SEMA4D: variants seen among roughly 807,000 people sequenced by gnomAD.
The protein encoded by SEMA4D is semaphorin 4D.
A neutral mutation model predicts 74.8 loss-of-function variants in SEMA4D; 22 were observed. That is an observed-to-expected ratio of 0.29 (90% confidence interval 0.21 to 0.42). SEMA4D has a LOEUF of 0.42. SEMA4D is among the 10% of genes least tolerant of loss of function. SEMA4D has a pLI of 1.00. For synonymous variants in SEMA4D, 445 were observed against 463.7 expected (o/e 0.96, Z 0.52); for missense variants, 937 against 1,118.4 (o/e 0.84, Z 2.31).
chr9:89,476,370 G>A (rs569573938), intron 1 of SEMA4D, among the ~76,000 whole-genome samples: 7 of 152,328 alleles, frequency 4.6e-5, no homozygotes, highest in South Asian at 2.1e-4. Flanking sequence ...CTGTGCCACA[G>A]TACCCAGATA....
At chr9:89,371,356 GGTGT>G (rs1270794757) in intron 16 of SEMA4D, among the ~76,000 whole-genome samples, 21 of 136,828 alleles carry the variant, frequency 1.5e-4, no homozygotes, top group African/African-American at 3.9e-4. Context: ...TGTGTGTTGG[GGTGT>G]GTGTGTCTGG....
downstream of SEMA4D, among the ~76,000 whole-genome samples, chr9:89,373,918 C>A (rs1410417399): frequency 6.6e-6 from 1 of 152,232 alleles, no homozygotes; most frequent in Non-Finnish European, 1.5e-5. Context: ...CATCTACAGA[C>A]CCCAACAGAA....
exon 17 of SEMA4D, chr9:89,363,846 T>C: frequency 6.2e-7 from 1 of 1,614,150 alleles, no homozygotes; most frequent in Non-Finnish European, 8.5e-7. Context: ...TGCAGCCAGC[T>C]GAGTGCATGG....
At chr9:89,417,898 G>T (rs978945419) in intron 2 of SEMA4D, among the ~76,000 whole-genome samples, 1 of 152,192 alleles carries the variant, frequency 6.6e-6, no homozygotes, top group Non-Finnish European at 1.5e-5. Flanking sequence ...TCCCCATGCC[G>T]GGCCCAAGGG....
rs71281350 is a variant in SEMA4D, at chr9:89,461,700, C to CTCTCTCTTTTTTTTTTTTTTTTTT, written c.-309-5748_-309-5747insAAAAAAAAAAAAAAAAAAGAGAGA. ...GGGCCAATGTGTATTTCTTTTTTCT[C>CTCTCTCTTTTTTTTTTTTTTTTTT]TTTTTTTTTTTTTTTTTTTGGAGAC... is the stretch of plus-strand genomic sequence containing the variant. On this transcript the variant is annotated intron_variant, in intron 1 of 15. Coordinates refer to ENST00000422704, the MANE Select transcript of SEMA4D (RefSeq NM_001371194.2). Among the ~76,000 whole-genome samples, 64 of 103,660 alleles carry CTCTCTCTTTTTTTTTTTTTTTTTT rather than the reference C, an allele frequency of 6.2e-4. 4 individuals carry two copies. The East Asian group carries it at 8.4e-3, about 14-fold the overall frequency. The allele number at this position is 103,660 out of a possible 152,430, so 68.0% of individuals were successfully genotyped here.
Position 89,377,249 on chromosome 9 carries a change from T to G in SEMA4D, c.*1455A>C. 1.4e-6 allele frequency: 1 copy of G among 723,930 alleles called. No homozygotes were observed. 44.8% of individuals were successfully genotyped at this position (723,930 alleles called of 1,614,324 possible). Reference sequence around the variant, plus strand: ...TCTTCCCCAAATCAAGGATAGAAGCTTCTCATTTATTTGGGTACTTTCCAA... The same window carrying G: ...TCTTCCCCAAATCAAGGATAGAAGCGTCTCATTTATTTGGGTACTTTCCAA... On this transcript the variant is annotated 3_prime_UTR_variant, in exon 16 of 16. Coordinates refer to ENST00000422704, the MANE Select transcript of SEMA4D (RefSeq NM_001371194.2).
At chr9:89,372,381 G>T (rs1392871758), downstream of SEMA4D, among the ~76,000 whole-genome samples, 1 of 143,586 alleles carries the variant, frequency 7.0e-6, no homozygotes, top group Non-Finnish European at 1.5e-5. Context: ...GGTGTCTGGG[G>T]TGTGGTGTGT....
intron 1 of SEMA4D, among the ~76,000 whole-genome samples, chr9:89,461,357 T>C (rs1207091912): frequency 6.6e-6 from 1 of 152,130 alleles, no homozygotes; most frequent in Non-Finnish European, 1.5e-5. Flanking sequence ...TCACCCCATA[T>C]ACTCTTGACT....
At chr9:89,391,494 AAC>A in intron 8 of SEMA4D, 79 bp from the exon 9 acceptor site, 2 of 1,463,696 alleles carry the variant, frequency 1.4e-6, no homozygotes, top group South Asian at 1.2e-5. Context: ...GAGGCCGGCC[AAC>A]ACTACCTTGG....
In SEMA4D at chr9:89,386,435, T is replaced by A; in HGVS notation, c.1378A>T (p.Ile460Phe). The A allele has an allele frequency of 6.2e-7, 1 of 1,614,146 alleles. No homozygotes were observed. ...TGGAAGAGCTGGGTCTCCTCGATGATGTGAACAGCGTGCTCGAGGCTGATG... is the reference window on the plus strand; with the variant it reads ...TGGAAGAGCTGGGTCTCCTCGATGAAGTGAACAGCGTGCTCGAGGCTGATG... ...KAISLEHAVH[I>F]IEETQLFQDF... Residue 460 changes from isoleucine to phenylalanine, a missense_variant, in exon 13 of 16, where the codon ATC (isoleucine) becomes TTC (phenylalanine). Transcript: ENST00000422704.
chr9:89,408,367 C>A (rs1013269654), intron 2 of SEMA4D, among the ~76,000 whole-genome samples: 2 of 152,176 alleles, frequency 1.3e-5, no homozygotes, highest in Non-Finnish European at 2.9e-5. Context: ...GCTGCCCTTG[C>A]TCTTCTCAGT....
chr9:89,431,267 C>T (rs1029099393), intron 2 of SEMA4D, among the ~76,000 whole-genome samples: 2 of 152,188 alleles, frequency 1.3e-5, no homozygotes, highest in African/African-American at 4.8e-5. Flanking sequence ...CCTGCTCCTG[C>T]TCCTGCGGGT....
intron 2 of SEMA4D, among the ~76,000 whole-genome samples, chr9:89,409,740 G>T (rs906765145): frequency 6.6e-6 from 1 of 152,048 alleles, no homozygotes; most frequent in African/African-American, 2.4e-5. Flanking sequence ...AGTTCATTTC[G>T]GGTCAAATAC....
At chr9:89,399,468 T>A (rs1348556490) in intron 4 of SEMA4D, 130 bp from the exon 5 acceptor site, 18 of 704,106 alleles carry the variant, frequency 2.6e-5, no homozygotes, top group Non-Finnish European at 4.4e-5. Context: ...ATTCTCAGAC[T>A]GCAAGGGAGG....
chr9:89,470,892 G>A (rs1860013527), intron 1 of SEMA4D, among the ~76,000 whole-genome samples: 1 of 152,180 alleles, frequency 6.6e-6, no homozygotes, highest in Non-Finnish European at 1.5e-5. Context: ...GTGATTGGGA[G>A]GGAGCTGAAT....
intron 2 of SEMA4D, among the ~76,000 whole-genome samples, chr9:89,411,758 C>T (rs529547924): frequency 2.0e-5 from 3 of 152,304 alleles, no homozygotes; most frequent in Non-Finnish European, 4.4e-5. Flanking sequence ...CTCCCAAGGA[C>T]GGGAAGAGTG....
intron 2 of SEMA4D, among the ~76,000 whole-genome samples, chr9:89,435,433 G>A (rs750553642): frequency 2.9e-4 from 44 of 152,188 alleles, no homozygotes; most frequent in Non-Finnish European, 5.9e-4. Context: ...CCTTCTGGCT[G>A]CTTTGCCCTG....
chr9:89,397,833 C>T (rs1174337435), intron 5 of SEMA4D, among the ~76,000 whole-genome samples: 2 of 152,172 alleles, frequency 1.3e-5, no homozygotes, highest in Non-Finnish European at 1.5e-5. Context: ...CTTGTCTTGA[C>T]CACCATTGAG....
chr9:89,369,015 T>C (rs1564490655), intron 16 of SEMA4D: 1 of 152,224 alleles, frequency 6.6e-6, no homozygotes, highest in Non-Finnish European at 1.5e-5. Context: ...GAGACATGGA[T>C]AGTTTCTGGT....
Sources: gnomAD v4.1 joint callset for allele counts (sites outside exome capture counted in the v4.1 genomes callset) on GRCh38, gnomAD v4.1.1 for gene constraint, MANE v1.5 for transcripts, NCBI Gene and HGNC (gene_info 2026-07-23, HGNC 2026-07-21) for gene names.